Variants in ZNF804A observed in about 807,000 individuals in gnomAD.
ZNF804A encodes zinc finger protein 804A.
A neutral mutation model predicts 16.5 loss-of-function variants in ZNF804A; 2 were observed. The ratio of observed to expected loss-of-function variants is 0.12; its 90% confidence interval spans 0.05 to 0.38. The LOEUF (loss-of-function observed/expected upper bound fraction) is 0.38, where lower values mean the gene tolerates loss of function less well. Ranked by LOEUF, ZNF804A falls within the 10% of genes least tolerant of loss-of-function variation. The pLI is 0.99. For missense variants in ZNF804A, 1,473 were observed against 1,390.7 expected, an observed-to-expected ratio of 1.06 and a Z score of -0.94; for synonymous variants, 534 against 489.6, an observed-to-expected ratio of 1.09 and a Z score of -1.20.
chr2:184,640,815 A>G (rs1157505236), intron 1 of ZNF804A, among the ~76,000 whole-genome samples: 2 of 152,202 alleles, frequency 1.3e-5, no homozygotes, highest in African/African-American at 4.8e-5. Context: ...TACATGGGGC[A>G]TCTCCCGTCT....
intron 1 of ZNF804A, among the ~76,000 whole-genome samples, chr2:184,807,993 T>G (rs960730277): frequency 6.6e-6 from 1 of 151,666 alleles, no homozygotes; most frequent in Non-Finnish European, 1.5e-5. Context: ...TAATTTAATT[T>G]GTTTATATTT....
chr2:184,885,778 C>T (rs1317953180), intron 2 of ZNF804A, among the ~76,000 whole-genome samples: 1 of 152,084 alleles, frequency 6.6e-6, no homozygotes, highest in Admixed American at 6.5e-5. Flanking sequence ...GACTTACGCA[C>T]TTTCACAAGA....
At chr2:184,615,190 G>A (rs1217648627) in intron 1 of ZNF804A, among the ~76,000 whole-genome samples, 1 of 152,108 alleles carries the variant, frequency 6.6e-6, no homozygotes, top group Non-Finnish European at 1.5e-5. Context: ...TATACACCAT[G>A]GAATACTATG....
intron 1 of ZNF804A, among the ~76,000 whole-genome samples, chr2:184,689,382 C>T (rs1405438710): frequency 6.6e-6 from 1 of 152,058 alleles, no homozygotes; most frequent in Non-Finnish European, 1.5e-5. Flanking sequence ...AAATTTTTGA[C>T]TTATCCTTTA....
rs547224728 is a variant in ZNF804A at position 184,785,552 on chromosome 2, A to G, written c.112-80817A>G. Among the ~76,000 whole-genome samples, 12 of 152,100 alleles carry G rather than the reference A, an allele frequency of 7.9e-5. No homozygotes were observed. The South Asian group carries it at 2.3e-3, about 29-fold the overall frequency. Reference sequence around the variant, plus strand: ...GACAGTCTATTTTACTTTAAGTTCTATGTTAACTTTTGTATGGCCTTGCTA... The same window carrying G: ...GACAGTCTATTTTACTTTAAGTTCTGTGTTAACTTTTGTATGGCCTTGCTA... On this transcript the variant is annotated intron_variant, in intron 1 of 3. Transcript: ENST00000302277.
chr2:184,728,485 T>A (rs1377982487), intron 1 of ZNF804A, among the ~76,000 whole-genome samples: 2 of 151,912 alleles, frequency 1.3e-5, no homozygotes, highest in African/African-American at 4.8e-5. Flanking sequence ...CAAATATCCA[T>A]GTTGTTTCCA....
chr2:184,701,488 A>G (rs1692918991), intron 1 of ZNF804A, among the ~76,000 whole-genome samples: 2 of 151,908 alleles, frequency 1.3e-5, no homozygotes, highest in South Asian at 4.1e-4. Context: ...AATCATGAGT[A>G]AGAAGGCAAA....
chr2:184,868,612 TAAAG>T (rs1695919959), intron 2 of ZNF804A, among the ~76,000 whole-genome samples: 1 of 151,978 alleles, frequency 6.6e-6, no homozygotes, highest in Admixed American at 6.6e-5. Flanking sequence ...CTGGTTTGCA[TAAAG>T]AGAGAACAAA....
intron 1 of ZNF804A, among the ~76,000 whole-genome samples, chr2:184,753,255 G>A (rs1693902857): frequency 6.6e-6 from 1 of 151,596 alleles, no homozygotes; most frequent in Non-Finnish European, 1.5e-5. Flanking sequence ...TTTACAAAAT[G>A]AGGCTGGGGG....
At chr2:184,863,554 T>TAAAA (rs35088942) in intron 1 of ZNF804A, among the ~76,000 whole-genome samples, 4 of 143,554 alleles carry the variant, frequency 2.8e-5, no homozygotes, top group Non-Finnish European at 4.6e-5. Flanking sequence ...TCAAACTTAT[T>TAAAA]AAAAAAAAAA....
intron 1 of ZNF804A, among the ~76,000 whole-genome samples, chr2:184,731,123 C>T (rs1395883978): frequency 4.6e-5 from 7 of 150,962 alleles, no homozygotes; most frequent in Non-Finnish European, 7.4e-5. Flanking sequence ...TGGTGGCAGG[C>T]GCCTGTAATC....
intron 1 of ZNF804A, among the ~76,000 whole-genome samples, chr2:184,839,721 C>A (rs1695406366): frequency 1.3e-5 from 2 of 152,152 alleles, no homozygotes; most frequent in South Asian, 4.1e-4. Flanking sequence ...AATAAGATTT[C>A]TCTTAACAGA....
At chr2:184,747,375 T>C (rs1693806234) in intron 1 of ZNF804A, among the ~76,000 whole-genome samples, 1 of 132,080 alleles carries the variant, frequency 7.6e-6, no homozygotes, top group Admixed American at 7.6e-5. Context: ...AACTTGTAAA[T>C]GTACAGATGT....
At chr2:184,898,491 T>C (rs1195972563) in intron 2 of ZNF804A, among the ~76,000 whole-genome samples, 1 of 152,084 alleles carries the variant, frequency 6.6e-6, no homozygotes, top group Non-Finnish European at 1.5e-5. Flanking sequence ...TTCATACCTA[T>C]ACTAAGCCTG....
chr2:184,784,720 G>T (rs11899942), intron 1 of ZNF804A, among the ~76,000 whole-genome samples: 11,363 of 151,898 alleles, frequency 0.075, 1,445 homozygotes, highest in African/African-American at 0.26. Context: ...CTGAGGCAAG[G>T]GTTGCAGCTG....
At chr2:184,859,123 G>C (rs531252529) in intron 1 of ZNF804A, among the ~76,000 whole-genome samples, 2 of 151,912 alleles carry the variant, frequency 1.3e-5, no homozygotes, top group African/African-American at 4.8e-5. Context: ...GGAGATCTTT[G>C]ACCTTCCTGT....
intron 1 of ZNF804A, among the ~76,000 whole-genome samples, chr2:184,660,040 G>T (rs1692144507): frequency 6.6e-6 from 1 of 152,164 alleles, no homozygotes; most frequent in African/African-American, 2.4e-5. Context: ...GAGCCCAGGA[G>T]TTCAAGGCTG....
intron 1 of ZNF804A, among the ~76,000 whole-genome samples, chr2:184,815,403 T>G (rs1477779995): frequency 6.6e-6 from 1 of 151,902 alleles, no homozygotes; most frequent in Non-Finnish European, 1.5e-5. Context: ...ATAAATAAAT[T>G]ATATGAGGGT....
chr2:184,647,521 A>G (rs916908599), intron 1 of ZNF804A, among the ~76,000 whole-genome samples: 2 of 152,190 alleles, frequency 1.3e-5, no homozygotes. Flanking sequence ...GAAATGAAGG[A>G]AGAGATAAAC....
Sources: allele counts gnomAD v4.1 joint callset (sites outside exome capture counted in the v4.1 genomes callset), GRCh38; gene constraint gnomAD v4.1.1; transcripts MANE v1.5; gene names NCBI Gene and HGNC (gene_info 2026-07-23, HGNC 2026-07-21).